The following MSRA variants were observed in gnomAD, a reference collection of about 807,000 sequenced individuals.
MSRA encodes methionine sulfoxide reductase A.
Under a neutral mutation model 31.3 loss-of-function variants are expected in MSRA, and 54 were observed. That is an observed-to-expected ratio of 1.73 (90% confidence interval 1.39 to 2.17). The LOEUF is 2.17. MSRA is among the 30% of genes most tolerant of loss of function. The probability of loss-of-function intolerance (pLI) is 0.00; values close to 1 mark genes in which losing one functional copy is unlikely to be tolerated. For missense variants in MSRA, 507 were observed against 300.9 expected, an observed-to-expected ratio of 1.69 and a Z score of -5.07; for synonymous variants, 169 against 116.5, an observed-to-expected ratio of 1.45 and a Z score of -2.90.
chr8:10,209,778 G>T (rs914023281), intron 2 of MSRA, among the ~76,000 whole-genome samples: 1 of 152,208 alleles, frequency 6.6e-6, no homozygotes. Context: ...GGAGCAGGGG[G>T]CAGCCCCTGG....
chr8:10,145,932 T>G (rs1428565150), intron 1 of MSRA, among the ~76,000 whole-genome samples: 4 of 152,198 alleles, frequency 2.6e-5, no homozygotes, highest in African/African-American at 9.7e-5. Flanking sequence ...GGATTTGGTG[T>G]GGGTGGAGAG....
chr8:10,056,212 A>AC (rs71836734), intron 1 of MSRA, among the ~76,000 whole-genome samples: 10,221 of 150,804 alleles, frequency 0.068, 509 homozygotes, highest in Admixed American at 0.15. Context: ...AAAAAAAAAA[A>AC]AAAAAAAAAC....
chr8:10,404,265 C>G (rs1478846442), intron 5 of MSRA, among the ~76,000 whole-genome samples: 1 of 152,134 alleles, frequency 6.6e-6, no homozygotes, highest in East Asian at 1.9e-4. Context: ...CCAGGGGCAT[C>G]TGGGCTCCCA....
intron 5 of MSRA, among the ~76,000 whole-genome samples, chr8:10,387,713 C>G (rs1255080189): frequency 3.3e-5 from 5 of 152,184 alleles, no homozygotes; most frequent in African/African-American, 1.2e-4. Context: ...ACAGAAAAAG[C>G]CTGTCTGGGC....
At chr8:10,358,117 C>T (rs529080471) in intron 5 of MSRA, among the ~76,000 whole-genome samples, 23 of 152,132 alleles carry the variant, frequency 1.5e-4, no homozygotes, top group South Asian at 1.5e-3. Context: ...TTAGTGGAGA[C>T]GGGGTTTCAC....
chr8:10,412,725 C>T (rs892048829), intron 5 of MSRA, among the ~76,000 whole-genome samples: 11 of 152,158 alleles, frequency 7.2e-5, no homozygotes, highest in African/African-American at 2.4e-4. Flanking sequence ...AGGTGCCCAG[C>T]ATCATTAGTC....
chr8:10,283,153 C>G (rs149037183), intron 3 of MSRA, among the ~76,000 whole-genome samples: 2 of 147,780 alleles, frequency 1.4e-5, no homozygotes, highest in African/African-American at 5.0e-5. Context: ...CACACACACA[C>G]ACACACACTC....
intron 5 of MSRA, among the ~76,000 whole-genome samples, chr8:10,410,324 T>TG (rs1001271435): frequency 2.6e-5 from 4 of 152,252 alleles, no homozygotes; most frequent in Non-Finnish European, 5.9e-5. Context: ...GTCACTTGTT[T>TG]GGGGGGTGCC....
chr8:10,404,325 A>T (rs557156257), intron 5 of MSRA, among the ~76,000 whole-genome samples: 1 of 152,086 alleles, frequency 6.6e-6, no homozygotes, highest in Non-Finnish European at 1.5e-5. Context: ...ACAACACTAG[A>T]TGCCTTTCTC....
chr8:10,131,101 T>C (rs917564114), intron 1 of MSRA, among the ~76,000 whole-genome samples: 4 of 152,240 alleles, frequency 2.6e-5, no homozygotes, highest in Non-Finnish European at 5.9e-5. Context: ...TTGTTTCTTA[T>C]TTATTTCCTT....
At chr8:10,187,332 A>G (rs181995421) in intron 1 of MSRA, among the ~76,000 whole-genome samples, 1 of 152,100 alleles carries the variant, frequency 6.6e-6, no homozygotes, top group Admixed American at 6.5e-5. Context: ...GTATTCCACT[A>G]TTTGTGGAAT....
intron 1 of MSRA, chr8:10,096,089 A>G (rs547031992): frequency 1.5e-6 from 2 of 1,337,706 alleles, no homozygotes; most frequent in African/African-American, 3.0e-5. Flanking sequence ...ACATTTATAG[A>G]CATTAACTTT....
chr8:10,057,724 C>T (rs781746090), intron 1 of MSRA, among the ~76,000 whole-genome samples: 5 of 152,164 alleles, frequency 3.3e-5, no homozygotes, highest in East Asian at 1.9e-4. Flanking sequence ...CCTTTGCGCT[C>T]TCTCGTTCTC....
rs763976579 is a variant in MSRA at position 10,122,737 on chromosome 8, C to G, written c.142+68079C>G. ...GTGTCTTTTGTTCCCATCTTTGTGT[C>G]CATGTGTTCACATCATTTAGCTCCC... On this transcript the variant is annotated intron_variant, in intron 1 of 5. Coordinates refer to ENST00000317173, the MANE Select transcript of MSRA (RefSeq NM_012331.5). Among the ~76,000 whole-genome samples, 6 of 152,072 alleles carry G rather than the reference C, an allele frequency of 3.9e-5. 1 individual carries two copies. The highest frequency in any genetic ancestry group is 8.8e-5 in the Non-Finnish European group (6 of 67,996).
At chr8:10,081,317 C>T (rs148818437) in intron 1 of MSRA, among the ~76,000 whole-genome samples, 1 of 152,218 alleles carries the variant, frequency 6.6e-6, no homozygotes, top group Non-Finnish European at 1.5e-5. Context: ...TTTGGGCCTC[C>T]TGCTCCTTGG....
intron 3 of MSRA, among the ~76,000 whole-genome samples, chr8:10,249,112 C>T (rs1797782427): frequency 6.6e-6 from 1 of 151,984 alleles, no homozygotes; most frequent in African/African-American, 2.4e-5. Context: ...GAGCCTGATA[C>T]CCTGGCACTT....
chr8:10,218,186 G>T (rs1428222489), intron 2 of MSRA, among the ~76,000 whole-genome samples: 1 of 151,016 alleles, frequency 6.6e-6, no homozygotes, highest in Non-Finnish European at 1.5e-5. Context: ...TCACTCTGTT[G>T]CCGAGGCTGG....
chr8:10,215,548 C>A (rs574636037), intron 2 of MSRA, among the ~76,000 whole-genome samples: 2 of 152,174 alleles, frequency 1.3e-5, no homozygotes, highest in Non-Finnish European at 2.9e-5. Flanking sequence ...CATCACCTCT[C>A]CTTCATAACA....
At chr8:10,240,985 C>T (rs1024487883) in intron 2 of MSRA, among the ~76,000 whole-genome samples, 10 of 152,044 alleles carry the variant, frequency 6.6e-5, no homozygotes, top group Non-Finnish European at 1.2e-4. Context: ...GCAGCTCACG[C>T]GTGCCCTCTG....
Sources: gnomAD v4.1 joint callset for allele counts (sites outside exome capture counted in the v4.1 genomes callset) on GRCh38, gnomAD v4.1.1 for gene constraint, MANE v1.5 for transcripts, NCBI Gene and HGNC (gene_info 2026-07-23, HGNC 2026-07-21) for gene names.